SIPA1L2: variants seen among roughly 807,000 people sequenced by gnomAD.
The protein encoded by SIPA1L2 is signal induced proliferation associated 1 like 2, also known as signal-induced proliferation-associated 1-like protein 2.
Under a neutral mutation model 163.9 loss-of-function variants are expected in SIPA1L2, and 56 were observed. The ratio of observed to expected loss-of-function variants is 0.34; its 90% CI spans 0.28 to 0.43. The LOEUF (loss-of-function observed/expected upper bound fraction) is 0.43, where lower values mean the gene tolerates loss of function less well. SIPA1L2 is among the 20% of genes least tolerant of loss of function. SIPA1L2 has a pLI of 1.00. For synonymous variants in SIPA1L2, 877 were observed against 865.7 expected (o/e 1.01, Z -0.23); for missense variants, 1,974 against 2,193.5 (o/e 0.90, Z 2.00).
intron 2 of SIPA1L2, among the ~76,000 whole-genome samples, chr1:232,551,015 G>GA (rs1310788882): frequency 6.6e-6 from 1 of 151,976 alleles, no homozygotes; most frequent in Non-Finnish European, 1.5e-5. Context: ...GCAAAGACTG[G>GA]AAAAAAATCA....
chr1:232,627,375 T>C (rs895432511), intron 1 of SIPA1L2, among the ~76,000 whole-genome samples: 1 of 152,188 alleles, frequency 6.6e-6, no homozygotes, highest in Non-Finnish European at 1.5e-5. Context: ...GTAGCTAGTA[T>C]TTCCTTACTT....
At chr1:232,592,620 GA>G (rs1203298723) in intron 1 of SIPA1L2, among the ~76,000 whole-genome samples, 1 of 152,080 alleles carries the variant, frequency 6.6e-6, no homozygotes, top group Non-Finnish European at 1.5e-5. Flanking sequence ...TCAAAGGAAG[GA>G]AAGTTTACTG....
chr1:232,538,846 C>G (rs781743148), intron 2 of SIPA1L2, among the ~76,000 whole-genome samples: 4 of 152,202 alleles, frequency 2.6e-5, no homozygotes, highest in Non-Finnish European at 4.4e-5. Flanking sequence ...TGACTCACCA[C>G]TAATGACAAA....
chr1:232,504,580 T>G (rs901960603), intron 3 of SIPA1L2, among the ~76,000 whole-genome samples: 1 of 151,960 alleles, frequency 6.6e-6, no homozygotes, highest in South Asian at 2.1e-4. Flanking sequence ...CCTCAAGAAG[T>G]ATCAAACACC....
intron 1 of SIPA1L2, among the ~76,000 whole-genome samples, chr1:232,622,721 AT>A (rs1274289438): frequency 9.9e-5 from 15 of 152,154 alleles, no homozygotes; most frequent in African/African-American, 3.6e-4. Flanking sequence ...AAACTTCCAC[AT>A]TTTTACCAGT....
intron 3 of SIPA1L2, among the ~76,000 whole-genome samples, chr1:232,498,296 G>C (rs1666299216): frequency 6.6e-6 from 1 of 152,218 alleles, no homozygotes; most frequent in Non-Finnish European, 1.5e-5. Flanking sequence ...GAAGTGATAA[G>C]ACAGTGTGAA....
chr1:232,513,120 A>G (rs1053196139), intron 3 of SIPA1L2, among the ~76,000 whole-genome samples: 1 of 152,208 alleles, frequency 6.6e-6, no homozygotes, highest in African/African-American at 2.4e-5. Context: ...ACACATGTGG[A>G]ACCTGTTTCT....
At chr1:232,479,839 T>G in intron 6 of SIPA1L2, 109 bp from the exon 7 acceptor site, 11 of 832,464 alleles carry the variant, frequency 1.3e-5, no homozygotes, top group Non-Finnish European at 2.1e-5. Flanking sequence ...CACCAAGCTC[T>G]ACCCAACCAG....
At chr1:232,543,010 G>A (rs759655143) in intron 2 of SIPA1L2, among the ~76,000 whole-genome samples, 1 of 152,182 alleles carries the variant, frequency 6.6e-6, no homozygotes, top group Non-Finnish European at 1.5e-5. Context: ...GAATCCCCAA[G>A]AGCTATTTTA....
At chr1:232,456,017 G>A (rs967749007) in intron 10 of SIPA1L2, among the ~76,000 whole-genome samples, 49 of 152,062 alleles carry the variant, frequency 3.2e-4, no homozygotes, top group African/African-American at 1.2e-3. Context: ...GATTGCCTGG[G>A]TGACAAAATT....
At chr1:232,563,531 A>T (rs1177989257) in intron 2 of SIPA1L2, among the ~76,000 whole-genome samples, 3 of 152,170 alleles carry the variant, frequency 2.0e-5, no homozygotes, top group African/African-American at 7.2e-5. Context: ...TGATTACATT[A>T]TAATAATTAT....
intron 16 of SIPA1L2, among the ~76,000 whole-genome samples, chr1:232,429,008 G>A (rs892049480): frequency 6.6e-6 from 1 of 152,106 alleles, no homozygotes; most frequent in Non-Finnish European, 1.5e-5. Flanking sequence ...AGGGAGCCCG[G>A]GGTTTACGAG....
chr1:232,556,539 T>C (rs1366210378), intron 2 of SIPA1L2, among the ~76,000 whole-genome samples: 1 of 152,048 alleles, frequency 6.6e-6, no homozygotes, highest in Non-Finnish European at 1.5e-5. Flanking sequence ...CAATGGCACA[T>C]AAACCCCGTT....
chr1:232,509,610 G>A (rs1008628470), intron 3 of SIPA1L2, among the ~76,000 whole-genome samples: 4 of 152,204 alleles, frequency 2.6e-5, no homozygotes, highest in Non-Finnish European at 2.9e-5. Flanking sequence ...GAAGGGTCTT[G>A]CACAACTGTG....
At chr1:232,558,153 A>C (rs902370653) in intron 2 of SIPA1L2, among the ~76,000 whole-genome samples, 2 of 152,212 alleles carry the variant, frequency 1.3e-5, no homozygotes, top group African/African-American at 4.8e-5. Context: ...AAGATAACCC[A>C]CTGAGATTTA....
intron 2 of SIPA1L2, among the ~76,000 whole-genome samples, chr1:232,536,142 G>A (rs1382478290): frequency 6.6e-6 from 1 of 152,236 alleles, no homozygotes; most frequent in Non-Finnish European, 1.5e-5. Flanking sequence ...AGATCTGAGA[G>A]CGCAGGAGCT....
chr1:232,435,163 T>G (rs1174307463), intron 15 of SIPA1L2, among the ~76,000 whole-genome samples: 1 of 152,222 alleles, frequency 6.6e-6, no homozygotes, highest in Non-Finnish European at 1.5e-5. Flanking sequence ...ATAAGCTGCA[T>G]GTGTGTAGGT....
At chr1:232,404,693 A>C (rs1338594174) in intron 19 of SIPA1L2, among the ~76,000 whole-genome samples, 1 of 152,212 alleles carries the variant, frequency 6.6e-6, no homozygotes, top group African/African-American at 2.4e-5. Flanking sequence ...TAGTCTTAAG[A>C]ATGGGCGCCA....
At chr1:232,416,184 C>T (rs2102782521) in intron 18 of SIPA1L2, among the ~76,000 whole-genome samples, 1 of 152,300 alleles carries the variant, frequency 6.6e-6, no homozygotes, top group South Asian at 2.1e-4. Context: ...ACAGGCAATG[C>T]TATCCCCTCC....
Sources: allele counts gnomAD v4.1 joint callset (sites outside exome capture counted in the v4.1 genomes callset), GRCh38; gene constraint gnomAD v4.1.1; transcripts MANE v1.5; gene names NCBI Gene and HGNC (gene_info 2026-07-23, HGNC 2026-07-21).